The following IGSF21 variants were observed in gnomAD, a reference collection of about 807,000 sequenced individuals.
The protein encoded by IGSF21 is immunoglobulin superfamily member 21.
Under a neutral mutation model 46.8 loss-of-function variants are expected in IGSF21, and 28 were observed. The ratio of observed to expected loss-of-function variants is 0.60; its 90% CI spans 0.44 to 0.82. The LOEUF is 0.82. IGSF21 is among the 40% of genes least tolerant of loss of function. IGSF21 has a pLI of 0.00. For missense variants in IGSF21, 624 were observed against 665.5 expected (o/e 0.94, Z 0.69); for synonymous variants, 284 against 273.6 (o/e 1.04, Z -0.38).
At chr1:18,373,930 C>T (rs1411013418) in intron 6 of IGSF21, among the ~76,000 whole-genome samples, 1 of 152,202 alleles carries the variant, frequency 6.6e-6, no homozygotes, top group Non-Finnish European at 1.5e-5. Context: ...TTCCTTCTTC[C>T]CTTAGAACCA....
At chr1:18,256,628 T>C (rs1438596929) in intron 2 of IGSF21, among the ~76,000 whole-genome samples, 1 of 152,184 alleles carries the variant, frequency 6.6e-6, no homozygotes, top group Non-Finnish European at 1.5e-5. Context: ...TCTGACATTC[T>C]GAATCCACGA....
intron 9 of IGSF21, 37 bp downstream of exon 9, chr1:18,377,468 G>T: frequency 6.3e-7 from 1 of 1,578,426 alleles, no homozygotes. Flanking sequence ...GCTTAAAAGG[G>T]AGTGGCTTTT....
chr1:18,133,858 A>T (rs894269476), intron 1 of IGSF21, among the ~76,000 whole-genome samples: 1 of 152,254 alleles, frequency 6.6e-6, no homozygotes, highest in Non-Finnish European at 1.5e-5. Flanking sequence ...TTACTTGTGG[A>T]TGAATAAATT....
intron 3 of IGSF21, among the ~76,000 whole-genome samples, chr1:18,293,515 G>A (rs959606866): frequency 2.6e-5 from 4 of 152,148 alleles, no homozygotes; most frequent in Non-Finnish European, 4.4e-5. Context: ...GTGAAGAGGT[G>A]TGTGAACAGC....
intron 7 of IGSF21, 89 bp downstream of exon 7, chr1:18,376,484 A>G: frequency 1.0e-6 from 1 of 968,372 alleles, no homozygotes; most frequent in Non-Finnish European, 1.7e-6. Flanking sequence ...CCTCTCTAAC[A>G]CTCTTCCTTT....
intron 1 of IGSF21, among the ~76,000 whole-genome samples, chr1:18,162,667 A>G (rs776969986): frequency 6.6e-6 from 1 of 152,222 alleles, no homozygotes; most frequent in Non-Finnish European, 1.5e-5. Context: ...GATATTTTCA[A>G]CTTAAGATTG....
At chr1:18,211,065 T>G (rs2124490863) in intron 1 of IGSF21, among the ~76,000 whole-genome samples, 1 of 152,088 alleles carries the variant, frequency 6.6e-6, no homozygotes, top group South Asian at 2.1e-4. Context: ...AGAGATGGGG[T>G]TTCACCATAT....
intron 1 of IGSF21, among the ~76,000 whole-genome samples, chr1:18,156,900 G>A (rs185358273): frequency 6.6e-6 from 1 of 152,290 alleles, no homozygotes; most frequent in East Asian, 1.9e-4. Flanking sequence ...GGAGGTAGGT[G>A]GATCACCTGA....
At chr1:18,272,394 G>A (rs1306139963) in intron 2 of IGSF21, among the ~76,000 whole-genome samples, 2 of 152,154 alleles carry the variant, frequency 1.3e-5, no homozygotes, top group African/African-American at 4.8e-5. Context: ...TGGGCCAGTC[G>A]CTTCACCCCT....
chr1:18,253,542 T>C (rs1377336019), intron 2 of IGSF21, among the ~76,000 whole-genome samples: 1 of 152,212 alleles, frequency 6.6e-6, no homozygotes, highest in Non-Finnish European at 1.5e-5. Context: ...CTTTCAGAAG[T>C]AGCTCAATAA....
At chr1:18,117,091 T>C (rs2086195473) in intron 1 of IGSF21, among the ~76,000 whole-genome samples, 1 of 152,186 alleles carries the variant, frequency 6.6e-6, no homozygotes, top group African/African-American at 2.4e-5. Flanking sequence ...AGCAGGGCTC[T>C]AGGAAGATTA....
At chr1:18,363,665 G>A (rs1456589621) in intron 5 of IGSF21, among the ~76,000 whole-genome samples, 2 of 151,870 alleles carry the variant, frequency 1.3e-5, no homozygotes, top group East Asian at 3.9e-4. Context: ...GGAGCAATGG[G>A]CAGGGGCACA....
intron 1 of IGSF21, among the ~76,000 whole-genome samples, chr1:18,149,070 G>C (rs1478861783): frequency 6.6e-6 from 1 of 152,218 alleles, no homozygotes; most frequent in Non-Finnish European, 1.5e-5. Flanking sequence ...ATGGAGCAGG[G>C]TTCAGAGGTC....
chr1:18,344,683 G>A (rs1043616812), intron 4 of IGSF21, among the ~76,000 whole-genome samples: 15 of 152,126 alleles, frequency 9.9e-5, no homozygotes, highest in Admixed American at 3.9e-4. Flanking sequence ...CAAGGGGCAG[G>A]GTAGGTCAGT....
chr1:18,375,771 A>T (rs11260994), intron 6 of IGSF21, among the ~76,000 whole-genome samples: 43,348 of 152,004 alleles, frequency 0.29, 6,919 homozygotes, highest in East Asian at 0.38. Flanking sequence ...CCTTTGGCAA[A>T]TCACTTCATG....
intron 3 of IGSF21, among the ~76,000 whole-genome samples, chr1:18,297,118 C>A (rs371745263): frequency 6.6e-6 from 1 of 152,188 alleles, no homozygotes; most frequent in East Asian, 1.9e-4. Flanking sequence ...GCCCGCCCCC[C>A]CACTAGACTG....
chr1:18,354,036 G>A (rs765933186), intron 4 of IGSF21, among the ~76,000 whole-genome samples: 15 of 152,206 alleles, frequency 9.9e-5, no homozygotes, highest in Non-Finnish European at 1.8e-4. Context: ...CAGGGAACAC[G>A]CACTCTAGTG....
chr1:18,290,266 G>A lies in IGSF21; in HGVS notation c.184-1600G>A, dbSNP rs1057125455. Among the ~76,000 whole-genome samples, 1 of 152,154 alleles carries A rather than the reference G, an allele frequency of 6.6e-6. No homozygotes were observed. Among genetic ancestry groups the A allele is most frequent in the Non-Finnish European group, 1.5e-5 (1 of 68,028 alleles). ...CAGAAGCAGCCAGGTGGGAGGAAGT[G>A]GTCCTCTGTCTCCCCTCTGCACATG... On this transcript the variant is annotated intron_variant, in intron 2 of 9. Transcript: ENST00000251296. This position sits in a 1 kb window ranked among gnomAD's most constrained non-coding sequence, Gnocchi z 4.2.
rs192199765 is a variant in IGSF21 at position 18,331,742 on chromosome 1, C to G, written c.306-3150C>G. ...TACCAGGGATAGAAAGCCCAGTAAA[C>G]CTCTGCCTCCATATTCCAGGTGAGA... On this transcript the variant is annotated intron_variant, in intron 3 of 9. Transcript: ENST00000251296. 1.0e-3 allele frequency among the ~76,000 whole-genome samples: 154 copies of G among 152,246 alleles called. 1 individual carries two copies. The highest frequency in any genetic ancestry group is 3.2e-4 in the Non-Finnish European group (22 of 68,014).
Sources: allele counts gnomAD v4.1 joint callset (sites outside exome capture counted in the v4.1 genomes callset), GRCh38; gene constraint gnomAD v4.1.1; non-coding constraint Gnocchi (gnomAD v3.1); transcripts MANE v1.5; gene names NCBI Gene and HGNC (gene_info 2026-07-23, HGNC 2026-07-21).